The following ROBO2 variants were observed in gnomAD, a reference collection of about 807,000 sequenced individuals.
ROBO2 encodes the protein roundabout homolog 2.
In ROBO2, 53 loss-of-function variants were observed where a neutral mutation model predicts 160.8. The ratio of observed to expected loss-of-function variants is 0.33; its 90% CI spans 0.26 to 0.41. ROBO2 has a LOEUF of 0.41. Among genes scored for constraint, ROBO2 ranks in the 10% least tolerant of loss-of-function variants. The pLI, the probability that ROBO2 is intolerant of heterozygous loss-of-function variation, is 1.00. For missense variants in ROBO2, 1,577 were observed against 1,722.4 expected (o/e 0.92, Z 1.49); for synonymous variants, 664 against 611.7 (o/e 1.09, Z -1.26).
intron 2 of ROBO2, among the ~76,000 whole-genome samples, chr3:77,430,958 A>T (rs188402142): frequency 6.6e-6 from 1 of 152,316 alleles, no homozygotes. Context: ...ATCAAGTTGC[A>T]TCCCAATCTG....
intron 2 of ROBO2, among the ~76,000 whole-genome samples, chr3:77,259,515 G>C (rs922551451): frequency 3.3e-5 from 5 of 152,080 alleles, no homozygotes; most frequent in Non-Finnish European, 7.4e-5. Context: ...ACAGCTGAAC[G>C]AAAGTACTAA....
intron 2 of ROBO2, among the ~76,000 whole-genome samples, chr3:76,814,400 G>A (rs1350623199): frequency 6.6e-6 from 1 of 152,056 alleles, no homozygotes; most frequent in African/African-American, 2.4e-5. Context: ...TTTCCAAAAG[G>A]AACATAAACC....
chr3:76,868,107 G>T (rs1055921013), intron 2 of ROBO2, among the ~76,000 whole-genome samples: 4 of 151,954 alleles, frequency 2.6e-5, no homozygotes, highest in African/African-American at 7.3e-5. Context: ...ATAGGCAATG[G>T]GCATCTATTT....
chr3:75,981,746 G>A lies in ROBO2; in HGVS notation c.109+44144G>A, dbSNP rs1044207548. On this transcript the variant is annotated intron_variant, in intron 2 of 26. Transcript: ENST00000487694. ...GGAGAATGGGGTATCCATTCCCTAAGCACTTATCCTTTGAGTTACAAACAA... is the reference window on the plus strand; with the variant it reads ...GGAGAATGGGGTATCCATTCCCTAAACACTTATCCTTTGAGTTACAAACAA... Among the ~76,000 whole-genome samples the A allele has an allele frequency of 1.2e-4, 18 of 151,294 alleles. 1 individual carries two copies. Among genetic ancestry groups the A allele is most frequent in the Admixed American group, 8.6e-4 (13 of 15,108 alleles).
At chr3:77,633,730 T>G (rs2095214333) in intron 23 of ROBO2, 1 of 152,226 alleles carries the variant, frequency 6.6e-6, no homozygotes, top group African/African-American at 2.4e-5. Context: ...TTGCAGAGGT[T>G]TATTTTTCAA....
intron 2 of ROBO2, among the ~76,000 whole-genome samples, chr3:77,229,665 CAA>C (rs71104661): frequency 9.0e-5 from 12 of 133,842 alleles, no homozygotes; most frequent in African/African-American, 1.1e-4. Context: ...AGACTGTCTC[CAA>C]AAAAAAAAAA....
chr3:76,809,493 A>G (rs1438954867), intron 2 of ROBO2, among the ~76,000 whole-genome samples: 1 of 152,160 alleles, frequency 6.6e-6, no homozygotes, highest in Admixed American at 6.6e-5. Context: ...ATATTCAAGG[A>G]TGCGATTATA....
chr3:76,362,689 A>T (rs2075591057), intron 2 of ROBO2, among the ~76,000 whole-genome samples: 1 of 152,122 alleles, frequency 6.6e-6, no homozygotes, highest in African/African-American at 2.4e-5. Context: ...AGAAACTTTT[A>T]GAAACACAGT....
At chr3:77,292,660 T>C (rs1335780063) in intron 2 of ROBO2, among the ~76,000 whole-genome samples, 1 of 149,996 alleles carries the variant, frequency 6.7e-6, no homozygotes, top group Non-Finnish European at 1.5e-5. Flanking sequence ...AGTAAAGACA[T>C]AAAGTAAAAT....
At chr3:76,193,363 C>G (rs572930848) in intron 2 of ROBO2, among the ~76,000 whole-genome samples, 1 of 152,010 alleles carries the variant, frequency 6.6e-6, no homozygotes, top group Non-Finnish European at 1.5e-5. Context: ...CATATCTAAG[C>G]CTGTCCTGTT....
chr3:76,311,648 G>A (rs189523709), intron 2 of ROBO2, among the ~76,000 whole-genome samples: 58 of 152,332 alleles, frequency 3.8e-4, no homozygotes, highest in Non-Finnish European at 6.9e-4. Flanking sequence ...TACAATGATC[G>A]TTTCCAGCAG....
chr3:77,386,679 T>C (rs909329131), intron 2 of ROBO2, among the ~76,000 whole-genome samples: 8 of 145,216 alleles, frequency 5.5e-5, no homozygotes, highest in African/African-American at 2.0e-4. Flanking sequence ...CTTGTCTCAC[T>C]GCAACCTCTG....
In ROBO2 at chr3:75,948,740, GA is replaced by G. The variant is rs1264725385; in HGVS notation, c.109+11144del. On this transcript the variant is annotated intron_variant, in intron 2 of 26. Transcript: ENST00000487694. ...TCTGAGCTGTAACAATATTTATATTGAAAAAATAAACATGTTCTTCTATCTT... is the reference window on the plus strand; with the variant it reads ...TCTGAGCTGTAACAATATTTATATTGAAAAATAAACATGTTCTTCTATCTT... Among the ~76,000 whole-genome samples the G allele has an allele frequency of 4.0e-5, 6 of 151,896 alleles. No individual in the cohort carries two copies. The East Asian group carries it at 1.2e-3, about 29-fold the overall frequency.
At chr3:75,975,676 C>T (rs2065116326) in intron 2 of ROBO2, among the ~76,000 whole-genome samples, 1 of 151,468 alleles carries the variant, frequency 6.6e-6, no homozygotes, top group South Asian at 2.1e-4. Context: ...AGAAAATTAC[C>T]TGCTCTGATT....
chr3:77,625,036 G>A (rs927577981), intron 23 of ROBO2, among the ~76,000 whole-genome samples: 1 of 152,014 alleles, frequency 6.6e-6, no homozygotes, highest in African/African-American at 2.4e-5. Flanking sequence ...AGTTATCCAG[G>A]GACAGAGCCC....
intron 6 of ROBO2, among the ~76,000 whole-genome samples, chr3:77,532,274 TA>T (rs1258288490): frequency 2.0e-5 from 3 of 152,034 alleles, no homozygotes; most frequent in Non-Finnish European, 4.4e-5. Context: ...TGAATGGTAT[TA>T]TAGTGTAGTC....
chr3:76,449,672 G>A (rs2109252315), intron 2 of ROBO2, among the ~76,000 whole-genome samples: 1 of 152,172 alleles, frequency 6.6e-6, no homozygotes, highest in Admixed American at 6.6e-5. Flanking sequence ...GTGTTTAAGT[G>A]TTTTGCATTA....
chr3:76,488,992 G>A (rs551582533), intron 2 of ROBO2, among the ~76,000 whole-genome samples: 143 of 148,742 alleles, frequency 9.6e-4, no homozygotes, highest in African/African-American at 3.4e-3. Flanking sequence ...GCTGAGGCAG[G>A]AGCATTGCTT....
At chr3:76,716,324 T>C (rs1229176391) in intron 2 of ROBO2, among the ~76,000 whole-genome samples, 1 of 152,192 alleles carries the variant, frequency 6.6e-6, no homozygotes, top group African/African-American at 2.4e-5. Context: ...TGAGTAAACA[T>C]TTGAGCTTAA....
Sources: gnomAD v4.1 joint callset for allele counts (sites outside exome capture counted in the v4.1 genomes callset) on GRCh38, gnomAD v4.1.1 for gene constraint, MANE v1.5 for transcripts, NCBI Gene and HGNC (gene_info 2026-07-23, HGNC 2026-07-21) for gene names.